ZNF835: variants seen among roughly 807,000 people sequenced by gnomAD.
The protein encoded by ZNF835 is zinc finger protein 835.
For synonymous variants in ZNF835, 323 were observed against 324.7 expected, an observed-to-expected ratio of 0.99 and a Z score of 0.06; for missense variants, 783 against 758.4, an observed-to-expected ratio of 1.03 and a Z score of -0.38.
In ZNF835 at chr19:56,664,200, G is replaced by A; in HGVS notation, c.999C>T (p.Pro333=). Residue 333 remains proline (P), a synonymous_variant, in exon 2 of 2, where the codon CCC becomes CCT. Coordinates refer to ENST00000537055, the MANE Select transcript of ZNF835 (RefSeq NM_001005850.3). ...CCTTGGCGCACTGGCCGCACGCGTA[G>A]GGCTTCTCGCCTGTGTGGATGCGCC... ...EHRRIHTGEK[P]YACGQCAKAF... is the part of the protein sequence containing the mutation. The A allele has an allele frequency of 1.2e-6, 2 of 1,606,010 alleles. No homozygotes were observed. The highest frequency in any genetic ancestry group is 2.2e-5 in the South Asian group (2 of 90,244).
In ZNF835 at chr19:56,664,698, G is replaced by T. The variant is rs1401966578; in HGVS notation, c.501C>A (p.Ala167=). ...TGAAGGCCTTGCCGCACTCGTGGCAGGCGTAGGGCTTCTCGCCCGTGTGCG... is the reference window on the plus strand; with the variant it reads ...TGAAGGCCTTGCCGCACTCGTGGCATGCGTAGGGCTTCTCGCCCGTGTGCG... ...QRTHTGEKPY[A]CHECGKAFSQ... The change falls in exon 2 of 2, where the codon GCC becomes GCA. Residue 167 remains alanine, a synonymous_variant. Transcript: ENST00000537055. The T allele has an allele frequency of 6.2e-7, 1 of 1,607,096 alleles. No individual in the cohort carries two copies. Among genetic ancestry groups the T allele is most frequent in the East Asian group, 2.2e-5 (1 of 44,452 alleles).
intron 1 of ZNF835, among the ~76,000 whole-genome samples, chr19:56,666,941 C>G (rs2045251386): frequency 6.6e-6 from 1 of 152,200 alleles, no homozygotes; most frequent in South Asian, 2.1e-4. Context: ...ATTCAACTCA[C>G]TATGCTCCCC....
Position 56,663,467 on chromosome 19 carries a change from T to C in ZNF835, c.*118A>G. 1 of 1,398,678 alleles carries C rather than the reference T, an allele frequency of 7.1e-7. No homozygotes were observed. Among genetic ancestry groups the C allele is most frequent in the Non-Finnish European group, 9.8e-7 (1 of 1,020,240 alleles). The allele number at this position is 1,398,678 out of a possible 1,614,324, so 86.6% of individuals were successfully genotyped here. On this transcript the variant is annotated 3_prime_UTR_variant, in exon 2 of 2. Transcript: ENST00000537055. ...TCTTAGCCCTGTGTCTTCCCCACTG[T>C]GTGCCCTCAGGCAAGTTAACAAGCT...
rs1471302957 is a variant in ZNF835, at chr19:56,663,722, G to A, written c.1477C>T (p.Gln493Ter). Reference protein sequence around the residue: ...FSFSSALIRHQRTHADSSGRL... With the variant: ...FSFSSALIRH ...CCCGAACTGTCTGCATGCGTCCTCT[G>A]GTGTCGGATGAGCGCGGAGGAGAAG... The change falls in exon 2 of 2, where the codon CAG (glutamine) becomes TAG (stop). Residue 493 changes from glutamine to a stop codon, truncating the protein, a stop_gained. Transcript: ENST00000537055. LOFTEE classifies it low-confidence loss of function (END_TRUNC). 25 of 1,613,916 alleles carry A rather than the reference G, an allele frequency of 1.5e-5. No homozygotes were observed. Among genetic ancestry groups the A allele is most frequent in the Non-Finnish European group, 1.9e-5 (22 of 1,179,922 alleles).
Position 56,663,693 on chromosome 19 carries a change from G to T in ZNF835, c.1506C>A (p.Arg502=), listed in dbSNP as rs777163215. 5 of 1,614,026 alleles carry T rather than the reference G, an allele frequency of 3.1e-6. No individual in the cohort carries two copies. The highest frequency in any genetic ancestry group is 4.2e-6 in the Non-Finnish European group (5 of 1,179,902). ...HQRTHADSSG[R]LCPAPTPDST... ...AGTCAGGCGTGGGAGCTGGGCAAAGGCGTCCCGAACTGTCTGCATGCGTCC... is the reference window on the plus strand; with the variant it reads ...AGTCAGGCGTGGGAGCTGGGCAAAGTCGTCCCGAACTGTCTGCATGCGTCC... The change falls in exon 2 of 2, where the codon CGC becomes CGA. Residue 502 remains arginine, a synonymous_variant. Transcript: ENST00000537055.
In ZNF835 at chr19:56,664,233, G is replaced by C. The variant is rs200020270; in HGVS notation, c.966C>G (p.Ala322=). 590 of 1,602,336 alleles carry C rather than the reference G, an allele frequency of 3.7e-4. No homozygotes were observed. The highest frequency in any genetic ancestry group is 4.8e-4 in the Non-Finnish European group (561 of 1,174,156). Reference sequence around the variant, plus strand: ...CGCCTGTGTGGATGCGCCGGTGCTCGGCCAGAGAGGCGCTCTGGCTGAAGA... The same window carrying C: ...CGCCTGTGTGGATGCGCCGGTGCTCCGCCAGAGAGGCGCTCTGGCTGAAGA... ...GALFSQSASL[A]EHRRIHTGEK... Residue 322 remains alanine, a synonymous_variant, in exon 2 of 2, where the codon GCC becomes GCG. Coordinates refer to ENST00000537055, the MANE Select transcript of ZNF835 (RefSeq NM_001005850.3).
Position 56,664,373 on chromosome 19 carries a change from TCTC to T in ZNF835, c.823_825del (p.Glu275del), listed in dbSNP as rs1402519940. 5 of 1,607,886 alleles carry T rather than the reference TCTC, an allele frequency of 3.1e-6. No homozygotes were observed. The South Asian group carries it at 3.3e-5, about 11-fold the overall frequency. On this transcript the variant is annotated inframe_deletion, in exon 2 of 2. Coordinates refer to ENST00000537055, the MANE Select transcript of ZNF835 (RefSeq NM_001005850.3). ...GCGCACTGGCCGCAGCGGTAGGGCT[TCTC>T]CTCCGTGTGGATGCGCTGGTGGCGG...
rs781370724 is a variant in ZNF835 at position 56,664,182 on chromosome 19, G to A, written c.1017C>T (p.Cys339=). 2 of 1,610,378 alleles carry A rather than the reference G, an allele frequency of 1.2e-6. No individual in the cohort carries two copies. Among genetic ancestry groups the A allele is most frequent in the East Asian group, 4.5e-5 (2 of 44,756 alleles). ...TGEKPYACGQ[C]AKAFTQVSHL... ...GCGACACCTGGGTGAAGGCCTTGGCGCACTGGCCGCACGCGTAGGGCTTCT... is the reference window on the plus strand; with the variant it reads ...GCGACACCTGGGTGAAGGCCTTGGCACACTGGCCGCACGCGTAGGGCTTCT... The change falls in exon 2 of 2, where the codon TGC becomes TGT. Residue 339 remains cysteine, a synonymous_variant. Coordinates refer to ENST00000537055, the MANE Select transcript of ZNF835 (RefSeq NM_001005850.3).
In ZNF835 at chr19:56,664,414, G is replaced by T. The variant is rs1422731054; in HGVS notation, c.785C>A (p.Ser262Tyr). The T allele has an allele frequency of 1.2e-6, 2 of 1,609,036 alleles. No individual in the cohort carries two copies. Among genetic ancestry groups the T allele is most frequent in the Non-Finnish European group, 1.7e-6 (2 of 1,178,230 alleles). ...CSACAKAFRF[S>Y]SALIRHQRIH... Reference sequence around the variant, plus strand: ...GCGCTGGTGGCGGATGAGCGCTGAGGAGAAGCGGAAGGCCTTGGCGCACGC... The same window carrying T: ...GCGCTGGTGGCGGATGAGCGCTGAGTAGAAGCGGAAGGCCTTGGCGCACGC... Residue 262 changes from serine (S) to tyrosine (Y), a missense_variant, in exon 2 of 2, where the codon TCC (serine) becomes TAC (tyrosine). By Grantham distance (144) the Ser-to-Tyr change is moderately radical. Transcript: ENST00000537055.
Position 56,663,342 on chromosome 19 carries a change from A to T in ZNF835, c.*243T>A. On this transcript the variant is annotated 3_prime_UTR_variant, in exon 2 of 2. Coordinates refer to ENST00000537055, the MANE Select transcript of ZNF835 (RefSeq NM_001005850.3). The stretch of plus-strand genomic sequence containing the variant: ...TCAAAGAAAAAAAGAAAGAAATTAA[A>T]GGCCAGCCATAGGTGTTTCTGCAGG... 1.7e-6 allele frequency: 1 copy of T among 575,884 alleles called. No homozygotes were observed. Among genetic ancestry groups the T allele is most frequent in the Admixed American group, 3.1e-5 (1 of 31,922 alleles). 35.7% of individuals were successfully genotyped at this position (575,884 alleles called of 1,614,324 possible).
At position 56,666,876 on chromosome 19, in the gene ZNF835, C is replaced by T. The variant is rs1004120655; in HGVS notation, c.-47-1631G>A. Among the ~76,000 whole-genome samples, 6 of 152,278 alleles carry T rather than the reference C, an allele frequency of 3.9e-5. No individual in the cohort carries two copies. In the East Asian group the frequency reaches 1.2e-3, roughly 29 times the overall value. ...CCATCTGTAAACCAGGAAGAGAGCC[C>T]TCACCAGACAGAATCAGCCAACAGT... On this transcript the variant is annotated intron_variant, in intron 1 of 1. Coordinates refer to ENST00000537055, the MANE Select transcript of ZNF835 (RefSeq NM_001005850.3).
intron 1 of ZNF835, among the ~76,000 whole-genome samples, chr19:56,667,691 T>C (rs559056527): frequency 3.3e-5 from 5 of 152,200 alleles, no homozygotes; most frequent in Non-Finnish European, 7.3e-5. Context: ...TCCTCCCCAC[T>C]TCCTGTGTGA....
At chr19:56,665,444 C>T in intron 1 of ZNF835, 199 bp from the exon 2 acceptor site, 1 of 734,886 alleles carries the variant, frequency 1.4e-6, no homozygotes, top group East Asian at 2.6e-5. Flanking sequence ...CTGGTCTCTC[C>T]ACACTGGCTG....
Position 56,664,482 on chromosome 19 carries a change from C to T in ZNF835, c.717G>A (p.Glu239=), listed in dbSNP as rs1250889793. 1.9e-6 allele frequency: 3 copies of T among 1,611,600 alleles called. No individual in the cohort carries two copies. The highest frequency in any genetic ancestry group is 1.7e-6 in the Non-Finnish European group (2 of 1,179,102). ...TCTCACCGGTGTGGATGCGCTGGTG[C>T]TCTATCAGGGACGAGCGGTTGCGGA... is the stretch of plus-strand genomic sequence containing the variant. ...KAFRNRSSLI[E]HQRIHTGEKP... is the part of the protein sequence containing the mutation. Residue 239 remains glutamate (E), a synonymous_variant, in exon 2 of 2, where the codon GAG becomes GAA. Transcript: ENST00000537055.
intron 1 of ZNF835, among the ~76,000 whole-genome samples, chr19:56,670,147 C>T (rs1004417623): frequency 6.6e-6 from 1 of 151,592 alleles, no homozygotes; most frequent in Admixed American, 6.6e-5. Context: ...GGGGGCCTAT[C>T]AGGAGTCCTC....
chr19:56,663,692 G>GT lies in ZNF835; in HGVS notation c.1506_1507insA (p.Leu503ThrfsTer8). On this transcript the variant is annotated frameshift_variant, in exon 2 of 2. Coordinates refer to ENST00000537055, the MANE Select transcript of ZNF835 (RefSeq NM_001005850.3). LOFTEE classifies it low-confidence loss of function (END_TRUNC). ...GAGTCAGGCGTGGGAGCTGGGCAAA[G>GT]GCGTCCCGAACTGTCTGCATGCGTC... The GT allele has an allele frequency of 6.2e-7, 1 of 1,614,030 alleles. No homozygotes were observed. Among genetic ancestry groups the GT allele is most frequent in the Non-Finnish European group, 8.5e-7 (1 of 1,179,894 alleles).
intron 1 of ZNF835, among the ~76,000 whole-genome samples, chr19:56,670,388 A>T (rs1231458914): frequency 2.6e-5 from 4 of 152,140 alleles, no homozygotes; most frequent in African/African-American, 9.7e-5. Context: ...ACCTGCCCAG[A>T]CACACACAGA....
chr19:56,664,044 G>A lies in ZNF835; in HGVS notation c.1155C>T (p.Thr385=), dbSNP rs772586608. ...GCAGGCACCTGTAGGGCCGCTCACC[G>A]GTGTGCACGAGGCGGTGCTGGAGGA... ...SHLLQHRLVH[T]GERPYRCLQC... Residue 385 remains threonine (T), a synonymous_variant, in exon 2 of 2, where the codon ACC becomes ACT. Transcript: ENST00000537055. 7.4e-6 allele frequency: 12 copies of A among 1,611,532 alleles called. 1 individual carries two copies. In the Admixed American group the frequency reaches 1.5e-4, roughly 20 times the overall value.
chr19:56,665,611 G>A, intron 1 of ZNF835: 1 of 402,500 alleles, frequency 2.5e-6, no homozygotes, highest in Admixed American at 3.4e-5. Flanking sequence ...TCTGCTGCCT[G>A]GGCAACACAG....
Sources: gnomAD v4.1 joint callset for allele counts (sites outside exome capture counted in the v4.1 genomes callset) on GRCh38, gnomAD v4.1.1 for gene constraint, MANE v1.5 for transcripts, NCBI Gene and HGNC (gene_info 2026-07-23, HGNC 2026-07-21) for gene names.